NAALADL2: variants seen among roughly 807,000 people sequenced by gnomAD.
NAALADL2 encodes the protein N-acetylated alpha-linked acidic dipeptidase like 2.
Under a neutral mutation model 87.2 loss-of-function variants are expected in NAALADL2, and 76 were observed. The ratio of observed to expected loss-of-function variants is 0.87; its 90% CI spans 0.72 to 1.05. The LOEUF (loss-of-function observed/expected upper bound fraction) is 1.05. Ranked by LOEUF, NAALADL2 falls within the 50% of genes least tolerant of loss-of-function variation. The pLI is 0.00. For synonymous variants in NAALADL2, 354 were observed against 331.0 expected, an observed-to-expected ratio of 1.07 and a Z score of -0.75; for missense variants, 1,089 against 945.8, an observed-to-expected ratio of 1.15 and a Z score of -1.99.
chr3:175,170,098 A>G (rs1004520264), intron 2 of NAALADL2, among the ~76,000 whole-genome samples: 1 of 151,884 alleles, frequency 6.6e-6, no homozygotes, highest in Non-Finnish European at 1.5e-5. Context: ...AGTAACTGAC[A>G]TGCAATTTCT....
rs116926565 is a variant in NAALADL2 at position 175,655,079 on chromosome 3, T to C, written c.1896+27693T>C. Reference sequence around the variant, plus strand: ...AATTATTACAATAGGATAGTATGAATTACAGTTAATTTGATGTAGTTATGA... The same window carrying C: ...AATTATTACAATAGGATAGTATGAACTACAGTTAATTTGATGTAGTTATGA... On this transcript the variant is annotated intron_variant, in intron 11 of 13. Transcript: ENST00000454872. Among the ~76,000 whole-genome samples, 184 of 152,300 alleles carry C rather than the reference T, an allele frequency of 1.2e-3. 5 individuals are homozygous for C. The East Asian group carries it at 0.034, about 28-fold the overall frequency.
intron 1 of NAALADL2, among the ~76,000 whole-genome samples, chr3:175,060,575 CA>C (rs1209978458): frequency 6.6e-6 from 1 of 152,126 alleles, no homozygotes; most frequent in East Asian, 1.9e-4. Flanking sequence ...TAACATTGAA[CA>C]TTGTTAATAT....
At chr3:175,221,888 C>G (rs1743433949) in intron 2 of NAALADL2, among the ~76,000 whole-genome samples, 2 of 151,946 alleles carry the variant, frequency 1.3e-5, no homozygotes, top group Non-Finnish European at 2.9e-5. Flanking sequence ...CATTCTCCTG[C>G]CTCAGCCTCC....
At chr3:174,566,413 G>T (rs1274529716) in intron 2 of NAALADL2, among the ~76,000 whole-genome samples, 5 of 151,706 alleles carry the variant, frequency 3.3e-5, no homozygotes, top group Non-Finnish European at 7.4e-5. Context: ...AGAGGATCTG[G>T]CTTTTTTCCT....
rs542071122 is a variant in NAALADL2, at chr3:174,998,695, C to A, written c.44-98095C>A. Among the ~76,000 whole-genome samples the A allele has an allele frequency of 6.6e-5, 10 of 152,240 alleles. No homozygotes were observed. In the South Asian group the frequency reaches 1.9e-3, roughly 28 times the overall value. ...TTCTTTTATAGTACCTAAAAGTGAG[C>A]CATTGTTTCAGCACATAGGAAACTC... On this transcript the variant is annotated intron_variant, in intron 1 of 13. Coordinates refer to ENST00000454872, the MANE Select transcript of NAALADL2 (RefSeq NM_207015.3).
intron 2 of NAALADL2, among the ~76,000 whole-genome samples, chr3:174,632,738 A>T (rs373003190): frequency 6.6e-6 from 1 of 151,996 alleles, no homozygotes; most frequent in Non-Finnish European, 1.5e-5. Context: ...GATCGAGACC[A>T]TCCTGGTCAA....
At chr3:175,405,436 C>A (rs182129454) in intron 5 of NAALADL2, among the ~76,000 whole-genome samples, 2 of 152,080 alleles carry the variant, frequency 1.3e-5, no homozygotes, top group Admixed American at 6.6e-5. Context: ...TATGCACAAA[C>A]TTTTAATGTT....
At chr3:174,614,044 G>A (rs139489488) in intron 2 of NAALADL2, among the ~76,000 whole-genome samples, 2 of 152,300 alleles carry the variant, frequency 1.3e-5, no homozygotes, top group East Asian at 3.9e-4. Context: ...CTATAGCAGA[G>A]CTAGTATCTA....
intron 5 of NAALADL2, among the ~76,000 whole-genome samples, chr3:175,349,782 A>C (rs1006343195): frequency 3.3e-5 from 5 of 152,112 alleles, no homozygotes; most frequent in Non-Finnish European, 2.9e-5. Context: ...GTTTTTAAAA[A>C]CTATGTCAAG....
At chr3:175,033,115 G>C (rs1163272184) in intron 1 of NAALADL2, among the ~76,000 whole-genome samples, 1 of 151,904 alleles carries the variant, frequency 6.6e-6, no homozygotes, top group Non-Finnish European at 1.5e-5. Flanking sequence ...GAGTAAATGA[G>C]ATAGCAAGGT....
At chr3:175,239,144 A>G (rs1421255117) in intron 3 of NAALADL2, among the ~76,000 whole-genome samples, 5 of 152,212 alleles carry the variant, frequency 3.3e-5, no homozygotes, top group African/African-American at 1.2e-4. Flanking sequence ...TTCATCGTGC[A>G]CTAGAAAGGT....
At chr3:174,947,446 C>T (rs896283570) in intron 1 of NAALADL2, among the ~76,000 whole-genome samples, 1 of 152,042 alleles carries the variant, frequency 6.6e-6, no homozygotes, top group Non-Finnish European at 1.5e-5. Flanking sequence ...CTAAGATTAA[C>T]AGTTCCTTCC....
intron 2 of NAALADL2, among the ~76,000 whole-genome samples, chr3:174,687,185 C>T (rs770844810): frequency 5.9e-5 from 9 of 152,042 alleles, no homozygotes; most frequent in Non-Finnish European, 1.0e-4. Context: ...CTTCCTGATC[C>T]TAGATATCAC....
intron 2 of NAALADL2, among the ~76,000 whole-genome samples, chr3:175,110,968 T>G (rs1724093165): frequency 1.3e-5 from 2 of 151,822 alleles, no homozygotes; most frequent in Admixed American, 1.3e-4. Context: ...GCACCTGGAT[T>G]AGAAAGTGAT....
chr3:174,915,305 A>G (rs1734222411), intron 1 of NAALADL2, among the ~76,000 whole-genome samples: 1 of 152,166 alleles, frequency 6.6e-6, no homozygotes, highest in Admixed American at 6.6e-5. Context: ...GAGATTACCC[A>G]TGTTAAATCA....
At chr3:174,847,766 A>G (rs16865065) in intron 3 of NAALADL2, among the ~76,000 whole-genome samples, 1,886 of 151,990 alleles carry the variant, frequency 0.012, 45 homozygotes, top group African/African-American at 0.044. Context: ...GCTTTACTCT[A>G]AAATGCATGC....
chr3:175,237,270 G>A (rs554953981), intron 3 of NAALADL2, among the ~76,000 whole-genome samples: 1 of 152,082 alleles, frequency 6.6e-6, no homozygotes, highest in East Asian at 1.9e-4. Flanking sequence ...AGTTTATAGG[G>A]ACCCTATAAT....
intron 9 of NAALADL2, among the ~76,000 whole-genome samples, chr3:175,480,969 A>G (rs754817088): frequency 3.3e-5 from 5 of 152,066 alleles, no homozygotes; most frequent in Non-Finnish European, 7.4e-5. Context: ...TTCGTCACCT[A>G]TAATTTTACT....
intron 5 of NAALADL2, among the ~76,000 whole-genome samples, chr3:175,399,717 C>T (rs989277247): frequency 2.0e-5 from 3 of 151,940 alleles, no homozygotes; most frequent in African/African-American, 4.8e-5. Context: ...TATCTTTTGC[C>T]GACCTCCTCT....
Sources: gnomAD v4.1 joint callset for allele counts (sites outside exome capture counted in the v4.1 genomes callset) on GRCh38, gnomAD v4.1.1 for gene constraint, MANE v1.5 for transcripts, NCBI Gene and HGNC (gene_info 2026-07-23, HGNC 2026-07-21) for gene names.